The following EYA3 variants were observed in gnomAD, a reference collection of about 807,000 sequenced individuals.
EYA3 encodes the protein EYA transcriptional coactivator and phosphatase 3.
EYA3 carries 39 observed loss-of-function variants against 80.0 expected under a neutral mutation model. The ratio of observed to expected loss-of-function variants is 0.49; its 90% CI spans 0.38 to 0.64. EYA3 has a LOEUF of 0.64. Among genes scored for constraint, EYA3 ranks in the 30% least tolerant of loss-of-function variants. The probability of loss-of-function intolerance (pLI) is 0.00; values close to 1 mark genes in which losing one functional copy is unlikely to be tolerated. For synonymous variants in EYA3, 206 were observed against 232.8 expected, an observed-to-expected ratio of 0.88 and a Z score of 1.05; for missense variants, 523 against 676.1, an observed-to-expected ratio of 0.77 and a Z score of 2.51.
At chr1:28,003,357 T>C (rs1312843046) in intron 11 of EYA3, among the ~76,000 whole-genome samples, 4 of 152,054 alleles carry the variant, frequency 2.6e-5, no homozygotes, top group African/African-American at 9.7e-5. Flanking sequence ...TAATCCTAGC[T>C]ACTTGGGATG....
chr1:27,992,247 G>A (rs141372477), intron 14 of EYA3, among the ~76,000 whole-genome samples: 147 of 152,004 alleles, frequency 9.7e-4, no homozygotes, highest in Middle Eastern at 3.4e-3. Context: ...GTTTCGTAGA[G>A]GACAATTTTT....
intron 6 of EYA3, among the ~76,000 whole-genome samples, chr1:28,034,116 T>C (rs752336833): frequency 1.1e-4 from 17 of 151,964 alleles, no homozygotes; most frequent in Non-Finnish European, 1.8e-4. Context: ...AAGGGAAATA[T>C]AGTGATCATT....
intron 5 of EYA3, among the ~76,000 whole-genome samples, chr1:28,038,294 T>A (rs1041851438): frequency 5.9e-5 from 9 of 151,768 alleles, no homozygotes; most frequent in African/African-American, 2.2e-4. Flanking sequence ...AAAAATTAGC[T>A]GGGCGTGGTG....
intron 14 of EYA3, chr1:27,990,290 G>T: frequency 5.7e-6 from 1 of 174,258 alleles, no homozygotes; most frequent in South Asian, 1.6e-4. Flanking sequence ...CCTGTCCCTA[G>T]ACTTCATGCA....
intron 1 of EYA3, among the ~76,000 whole-genome samples, chr1:28,088,059 T>C (rs1645731093): frequency 6.6e-6 from 1 of 151,930 alleles, no homozygotes; most frequent in Non-Finnish European, 1.5e-5. Context: ...CTGAAGAAAG[T>C]TGGGGGACAA....
chr1:28,060,647 A>G (rs1431832748), intron 1 of EYA3, among the ~76,000 whole-genome samples: 1 of 152,220 alleles, frequency 6.6e-6, no homozygotes, highest in Non-Finnish European at 1.5e-5. Context: ...TGTTGTTTCC[A>G]TCTTTAAAAT....
At chr1:28,042,985 C>T (rs940056779) in intron 3 of EYA3, among the ~76,000 whole-genome samples, 3 of 152,100 alleles carry the variant, frequency 2.0e-5, no homozygotes, top group Admixed American at 1.3e-4. Flanking sequence ...GCTGGGATTA[C>T]AGGTGCATGC....
At chr1:28,062,863 G>A (rs535706172) in intron 1 of EYA3, among the ~76,000 whole-genome samples, 6 of 152,020 alleles carry the variant, frequency 3.9e-5, no homozygotes, top group South Asian at 2.1e-4. Context: ...TTAATCTGGC[G>A]TGGTGGCACG....
At chr1:28,081,851 T>C (rs1553159359) in intron 1 of EYA3, among the ~76,000 whole-genome samples, 1 of 152,310 alleles carries the variant, frequency 6.6e-6, no homozygotes, top group South Asian at 2.1e-4. Flanking sequence ...ATTGCTACAA[T>C]ATTAAATTTC....
At chr1:28,028,026 TAAAAC>T (rs1238282510) in intron 6 of EYA3, 100 bp from the exon 7 acceptor site, 2 of 1,357,604 alleles carry the variant, frequency 1.5e-6, no homozygotes, top group Non-Finnish European at 2.0e-6. Flanking sequence ...ATCTAAATCT[TAAAAC>T]AAAAATAAAT....
At chr1:27,995,189 G>A (rs1640355517) in intron 13 of EYA3, among the ~76,000 whole-genome samples, 1 of 150,712 alleles carries the variant, frequency 6.6e-6, no homozygotes, top group Admixed American at 6.6e-5. Context: ...GGGATCACTT[G>A]GGTCCAGGAG....
At chr1:28,041,711 TG>T (rs1432789274) in intron 4 of EYA3, among the ~76,000 whole-genome samples, 1 of 152,190 alleles carries the variant, frequency 6.6e-6, no homozygotes, top group Non-Finnish European at 1.5e-5. Context: ...GGTCTCACTT[TG>T]TTGCCCAGGC....
chr1:28,074,552 T>A (rs968183878), intron 1 of EYA3, among the ~76,000 whole-genome samples: 12 of 151,830 alleles, frequency 7.9e-5, no homozygotes, highest in Admixed American at 2.0e-4. Flanking sequence ...TCTTGCTCTG[T>A]CACCCAGGCT....
At chr1:28,077,005 T>G (rs1009013470) in intron 1 of EYA3, among the ~76,000 whole-genome samples, 2 of 151,268 alleles carry the variant, frequency 1.3e-5, no homozygotes, top group Admixed American at 6.6e-5. Flanking sequence ...CCTCCCAAAG[T>G]GCTGGGATTA....
At chr1:28,037,302 A>C (rs551215006) in intron 5 of EYA3, among the ~76,000 whole-genome samples, 1 of 152,386 alleles carries the variant, frequency 6.6e-6, no homozygotes, top group Non-Finnish European at 1.5e-5. Flanking sequence ...AAGATAGCTA[A>C]TAAGGAATTC....
chr1:27,989,893 T>G, intron 14 of EYA3, 82 bp from the exon 15 acceptor site: 1 of 730,290 alleles, frequency 1.4e-6, no homozygotes, highest in Admixed American at 2.7e-5. Flanking sequence ...AAATTCAATT[T>G]AAAAAGTGTG....
chr1:28,000,830 A>G (rs1640783589), intron 11 of EYA3, among the ~76,000 whole-genome samples: 1 of 152,166 alleles, frequency 6.6e-6, no homozygotes, highest in Non-Finnish European at 1.5e-5. Flanking sequence ...TGGGAGTCCA[A>G]GGCAGGTGGA....
chr1:28,042,783 T>A (rs72658322), intron 3 of EYA3, 133 bp from the exon 4 acceptor site: 29 of 691,126 alleles, frequency 4.2e-5, no homozygotes, highest in South Asian at 3.5e-4. Flanking sequence ...ATCCTTATTG[T>A]TGATTTTTAA....
intron 1 of EYA3, among the ~76,000 whole-genome samples, chr1:28,077,384 G>A (rs926850949): frequency 6.6e-6 from 1 of 152,152 alleles, no homozygotes; most frequent in Non-Finnish European, 1.5e-5. Flanking sequence ...GGGATTATAG[G>A]CATGAGCCAC....
Sources: gnomAD v4.1 joint callset for allele counts (sites outside exome capture counted in the v4.1 genomes callset) on GRCh38, gnomAD v4.1.1 for gene constraint, MANE v1.5 for transcripts, NCBI Gene and HGNC (gene_info 2026-07-23, HGNC 2026-07-21) for gene names.